Variants in KNL1 observed in about 807,000 individuals in gnomAD.
The protein encoded by KNL1 is outer kinetochore KNL1 complex subunit KNL1.
A neutral mutation model predicts 201.3 loss-of-function variants in KNL1; 66 were observed. The ratio of observed to expected loss-of-function variants is 0.33; its 90% CI spans 0.27 to 0.40. KNL1 has a LOEUF of 0.40. KNL1 is among the 10% of genes least tolerant of loss of function. KNL1 has a pLI of 1.00. For synonymous variants in KNL1, 895 were observed against 899.2 expected (o/e 1.00, Z 0.08); for missense variants, 2,815 against 2,690.5 (o/e 1.05, Z -1.02).
chr15:40,636,156 A>G (rs1893050549), intron 13 of KNL1, among the ~76,000 whole-genome samples: 2 of 152,212 alleles, frequency 1.3e-5, no homozygotes, highest in African/African-American at 4.8e-5. Flanking sequence ...AATTATTGCA[A>G]GTGCTCCTGC....
At chr15:40,620,234 G>T (rs1892472872) in intron 9 of KNL1, among the ~76,000 whole-genome samples, 1 of 143,820 alleles carries the variant, frequency 7.0e-6, no homozygotes, top group African/African-American at 2.6e-5. Context: ...TTTTTTTTGA[G>T]ACAGAGTCTT....
rs182811586 is a variant in KNL1 at position 40,624,026 on chromosome 15, A to G, written c.3762A>G (p.Glu1254=). 1.9e-6 allele frequency: 3 copies of G among 1,614,008 alleles called. No individual in the cohort carries two copies. The East Asian group carries it at 6.7e-5, about 36-fold the overall frequency. Residue 1254 remains glutamate (E), a synonymous_variant, in exon 10 of 26, where the codon GAA becomes GAG. Transcript: ENST00000399668. ...AATTTCATAGTGCTGCTATGGATGA[A>G]AAGGTCATAGGGAAAGTTGTAGACC... ...IIKFHSAAMD[E]KVIGKVVDQA...
Position 40,623,502 on chromosome 15 carries a change from G to C in KNL1, c.3238G>C (p.Glu1080Gln). Residue 1080 changes from glutamate (E) to glutamine (Q), a missense_variant, in exon 10 of 26, where the codon GAG becomes CAG. Coordinates refer to ENST00000399668, the MANE Select transcript of KNL1 (RefSeq NM_144508.5). ...LKNDKTIVFS[E>Q]NHKNDMDITQ... ...AAATGACAAGACCATTGTATTTTCA[G>C]AGAATCATAAAAATGATATGGATAT... 1 of 1,612,820 alleles carries C rather than the reference G, an allele frequency of 6.2e-7. No individual in the cohort carries two copies. Among genetic ancestry groups the C allele is most frequent in the Non-Finnish European group, 8.5e-7 (1 of 1,179,654 alleles).
intron 13 of KNL1, among the ~76,000 whole-genome samples, chr15:40,634,053 C>T (rs1348372213): frequency 6.6e-6 from 1 of 151,988 alleles, no homozygotes; most frequent in Non-Finnish European, 1.5e-5. Flanking sequence ...CTGTGTAGGC[C>T]TAGGCTAATG....
At chr15:40,637,167 TTTTC>T (rs1384135958) in intron 13 of KNL1, among the ~76,000 whole-genome samples, 2 of 132,812 alleles carry the variant, frequency 1.5e-5, no homozygotes, top group African/African-American at 5.5e-5. Context: ...TCTTTTTCTT[TTTTC>T]TTTCTTTTTT....
intron 13 of KNL1, among the ~76,000 whole-genome samples, chr15:40,637,323 CT>C (rs71307495): frequency 3.9e-4 from 55 of 140,996 alleles, no homozygotes; most frequent in Middle Eastern, 3.6e-3. Flanking sequence ...TTTCTCTGCC[CT>C]TTTTTTTTTT....
intron 17 of KNL1, among the ~76,000 whole-genome samples, chr15:40,648,885 A>C (rs1299918799): frequency 1.4e-5 from 2 of 147,952 alleles, no homozygotes; most frequent in Non-Finnish European, 3.0e-5. Flanking sequence ...GGCTGGAGTC[A>C]ATGGCACAAT....
chr15:40,617,505 C>T (rs878917936), intron 8 of KNL1, among the ~76,000 whole-genome samples: 6 of 152,046 alleles, frequency 3.9e-5, no homozygotes, highest in African/African-American at 7.2e-5. Context: ...TTATGTTTGC[C>T]GCCAGCTCCT....
rs1161233443 is a variant in KNL1, at chr15:40,625,459, A to G, written c.5195A>G (p.Glu1732Gly). 6.2e-7 allele frequency: 1 copy of G among 1,614,010 alleles called. No individual in the cohort carries two copies. The highest frequency in any genetic ancestry group is 1.7e-5 in the Admixed American group (1 of 59,976). The change falls in exon 10 of 26, where the codon GAA (glutamate) becomes GGA (glycine). Residue 1732 changes from glutamate to glycine, a missense_variant. By Grantham distance (98) the Glu-to-Gly change is moderately conservative (BLOSUM62 -2). This residue lies in a region of KNL1 where 2,464 missense variants were observed against 2,291.7 expected (regional missense o/e 1.08). Coordinates refer to ENST00000399668, the MANE Select transcript of KNL1 (RefSeq NM_144508.5). ...EINSSDSINI[E>G]TEEKALIETY... ...AATTCTTCAGACTCTATTAACATAG[A>G]AACTGAGGAAAAGGCCTTGATTGAG... is the stretch of plus-strand genomic sequence containing the variant.
chr15:40,652,693 G>T (rs1893604440), intron 21 of KNL1, among the ~76,000 whole-genome samples: 1 of 150,374 alleles, frequency 6.7e-6, no homozygotes, highest in Non-Finnish European at 1.5e-5. Context: ...AACCCAGGAG[G>T]TGGAGGTTGC....
intron 8 of KNL1, among the ~76,000 whole-genome samples, chr15:40,616,672 A>G (rs918263950): frequency 2.0e-5 from 3 of 152,054 alleles, no homozygotes; most frequent in African/African-American, 7.2e-5. Context: ...GGGCTACTGT[A>G]TTTCATTTCT....
intron 25 of KNL1, among the ~76,000 whole-genome samples, chr15:40,660,564 G>T (rs1893879086): frequency 6.6e-6 from 1 of 151,108 alleles, no homozygotes; most frequent in Non-Finnish European, 1.5e-5. Context: ...TACTGGGGAG[G>T]CTGAGGCAGA....
At chr15:40,615,559 G>C in intron 8 of KNL1, 181 bp downstream of exon 8, 1 of 236,678 alleles carries the variant, frequency 4.2e-6, no homozygotes, top group Non-Finnish European at 8.7e-6. Context: ...ACGAGGTCGG[G>C]AGATCGAGAC....
At chr15:40,635,338 C>T (rs1431285321) in intron 13 of KNL1, among the ~76,000 whole-genome samples, 1 of 151,742 alleles carries the variant, frequency 6.6e-6, no homozygotes, top group African/African-American at 2.4e-5. Context: ...AGGCTTGAGC[C>T]ACCATGCCCG....
chr15:40,607,129 G>A (rs1017800573), intron 4 of KNL1, among the ~76,000 whole-genome samples: 2 of 152,094 alleles, frequency 1.3e-5, no homozygotes, highest in African/African-American at 4.8e-5. Context: ...TGAACTTCTG[G>A]GCTCAAGTGA....
In KNL1 at chr15:40,621,500, C is replaced by T. The variant is rs756102402; in HGVS notation, c.1236C>T (p.Thr412=). 19 of 1,613,696 alleles carry T rather than the reference C, an allele frequency of 1.2e-5. No individual in the cohort carries two copies. In the African/African-American group the frequency reaches 2.4e-4, roughly 20 times the overall value. The change falls in exon 10 of 26, where the codon ACC becomes ACT. Residue 412 remains threonine (T), a synonymous_variant. Coordinates refer to ENST00000399668, the MANE Select transcript of KNL1 (RefSeq NM_144508.5). ...AGGATGCCAGAATATTAGCCATGAC[C>T]CCAGAATCTATATATTCTAATCCAT... ...CNQDARILAM[T]PESIYSNPSI...
At chr15:40,646,321 TAATA>T (rs1290422869) in intron 16 of KNL1, among the ~76,000 whole-genome samples, 1 of 152,110 alleles carries the variant, frequency 6.6e-6, no homozygotes, top group Non-Finnish European at 1.5e-5. Context: ...TGTTTTTAAG[TAATA>T]AATATTAATA....
At chr15:40,597,932 G>T (rs888306275) in intron 1 of KNL1, among the ~76,000 whole-genome samples, 1 of 152,172 alleles carries the variant, frequency 6.6e-6, no homozygotes, top group Non-Finnish European at 1.5e-5. Flanking sequence ...AGCACTTTGG[G>T]AGGCCGAGGC....
rs1892691707 is a variant in KNL1, at chr15:40,624,989, A to G, written c.4725A>G (p.Gln1575=). ...AAACTGGAGAGTTTTTAGCCTTTCAAACTGTTCATCTACCACCCCTTCCAG... is the reference window on the plus strand; with the variant it reads ...AAACTGGAGAGTTTTTAGCCTTTCAGACTGTTCATCTACCACCCCTTCCAG... ...NGKTGEFLAF[Q]TVHLPPLPEQ... is the part of the protein sequence containing the mutation. The change falls in exon 10 of 26, where the codon CAA becomes CAG. Residue 1575 remains glutamine (Q), a synonymous_variant. Transcript: ENST00000399668. 6.2e-7 allele frequency: 1 copy of G among 1,613,922 alleles called. No individual in the cohort carries two copies. The highest frequency in any genetic ancestry group is 8.5e-7 in the Non-Finnish European group (1 of 1,179,992).
Sources: allele counts gnomAD v4.1 joint callset (sites outside exome capture counted in the v4.1 genomes callset), GRCh38; gene constraint gnomAD v4.1.1; regional missense constraint gnomAD v4.1.1; transcripts MANE v1.5; gene names NCBI Gene and HGNC (gene_info 2026-07-23, HGNC 2026-07-21).